Variants in PDE3B observed in about 807,000 individuals in gnomAD.
PDE3B encodes the protein cGMP-inhibited 3',5'-cyclic phosphodiesterase 3B.
In PDE3B, 66 loss-of-function variants were observed where a neutral mutation model predicts 116.8. The observed-to-expected ratio is 0.56, with a 90% CI of 0.46 to 0.69. The LOEUF (loss-of-function observed/expected upper bound fraction) is 0.69. Among genes scored for constraint, PDE3B ranks in the 30% least tolerant of loss-of-function variants. The probability of loss-of-function intolerance (pLI) is 0.00; values close to 1 mark genes in which losing one functional copy is unlikely to be tolerated. For synonymous variants in PDE3B, 595 were observed against 533.6 expected, an observed-to-expected ratio of 1.12 and a Z score of -1.59; for missense variants, 1,384 against 1,368.1, an observed-to-expected ratio of 1.01 and a Z score of -0.18.
chr11:14,744,289 T>C (rs972942589), intron 1 of PDE3B, among the ~76,000 whole-genome samples: 1 of 152,210 alleles, frequency 6.6e-6, no homozygotes, highest in Admixed American at 6.5e-5. Flanking sequence ...TAAAATTCTG[T>C]ATGAATTGTA....
intron 12 of PDE3B, among the ~76,000 whole-genome samples, chr11:14,844,592 G>T (rs150479964): frequency 0.015 from 2,321 of 152,318 alleles, 59 homozygotes; most frequent in African/African-American, 0.053. Context: ...TCAAAGAAAG[G>T]GGTGACAGAC....
chr11:14,673,910 A>T, intron 1 of PDE3B: 1 of 1,437,850 alleles, frequency 7.0e-7, no homozygotes, highest in South Asian at 1.1e-5. Flanking sequence ...CCACAACTTC[A>T]TTAACCGCAT....
rs1218259008 is a variant in PDE3B, at chr11:14,644,065, C to T, written c.-11C>T. 3 of 1,506,242 alleles carry T rather than the reference C, an allele frequency of 2.0e-6. No homozygotes were observed. The highest frequency in any genetic ancestry group is 2.6e-6 in the Non-Finnish European group (3 of 1,138,580). The allele number at this position is 1,506,242 out of a possible 1,614,324, so 93.3% of individuals were successfully genotyped here. On this transcript the variant is annotated 5_prime_UTR_variant, in exon 1 of 16. Transcript: ENST00000282096. Reference sequence around the variant, plus strand: ...GTGTGCTGAGTCCCGTGGCCACCCCCGGCCCCAGCCATGAGGAGGGACGAG... The same window carrying T: ...GTGTGCTGAGTCCCGTGGCCACCCCTGGCCCCAGCCATGAGGAGGGACGAG...
At chr11:14,883,161 T>C in the PDE3B span, among the ~76,000 whole-genome samples, 1 of 152,100 alleles carries the variant, frequency 6.6e-6, no homozygotes, top group Non-Finnish European at 1.5e-5. Context: ...AATGACTTTC[T>C]TCACAGAATT....
the PDE3B span, chr11:14,892,374 T>A: frequency 1.5e-6 from 1 of 660,734 alleles, no homozygotes; most frequent in African/African-American, 1.8e-5. Flanking sequence ...CCTTCTAGTT[T>A]TGCGCGGCTG....
At chr11:14,879,475 C>A in the PDE3B span, 7 of 1,529,486 alleles carry the variant, frequency 4.6e-6, no homozygotes, top group Non-Finnish European at 5.3e-6. Flanking sequence ...AGTTATTATG[C>A]AGTTCTTAGA....
the PDE3B span, chr11:14,890,493 C>T: frequency 4.6e-6 from 4 of 870,146 alleles, no homozygotes; most frequent in African/African-American, 1.9e-5. Flanking sequence ...ATGAAAGGAA[C>T]GTAAACCATT....
chr11:14,743,964 A>C (rs533749138), intron 1 of PDE3B, among the ~76,000 whole-genome samples: 3 of 152,312 alleles, frequency 2.0e-5, no homozygotes, highest in African/African-American at 4.8e-5. Context: ...CACCTTCTGC[A>C]TTGATCTCTC....
At chr11:14,810,813 A>C (rs891292632) in intron 5 of PDE3B, among the ~76,000 whole-genome samples, 10 of 146,964 alleles carry the variant, frequency 6.8e-5, no homozygotes, top group Admixed American at 5.5e-4. Flanking sequence ...ATTTCTCCAC[A>C]TCCTCTCCAG....
intron 4 of PDE3B, among the ~76,000 whole-genome samples, 157 bp from the exon 5 acceptor site, chr11:14,803,786 GA>G (rs1858839384): frequency 2.0e-5 from 3 of 152,336 alleles, no homozygotes; most frequent in African/African-American, 7.2e-5. Context: ...GTTCTTTACA[GA>G]AAAAGTTTGC....
intron 2 of PDE3B, among the ~76,000 whole-genome samples, chr11:14,784,451 A>G (rs1858131863): frequency 6.6e-6 from 1 of 152,226 alleles, no homozygotes; most frequent in Non-Finnish European, 1.5e-5. Context: ...TCAAAGTGGT[A>G]AAATGTTGAT....
chr11:14,783,751 C>T (rs1349336292), intron 2 of PDE3B, among the ~76,000 whole-genome samples: 1 of 150,396 alleles, frequency 6.6e-6, no homozygotes, highest in East Asian at 1.9e-4. Context: ...CCCTAGAACA[C>T]AAAATATAAT....
At chr11:14,710,699 G>A (rs923256358) in intron 1 of PDE3B, among the ~76,000 whole-genome samples, 9 of 152,162 alleles carry the variant, frequency 5.9e-5, no homozygotes, top group Non-Finnish European at 1.0e-4. Flanking sequence ...GAGGGTTGGG[G>A]AGGGCGAAAA....
At chr11:14,822,274 C>T (rs1159444372) in intron 7 of PDE3B, among the ~76,000 whole-genome samples, 1 of 152,114 alleles carries the variant, frequency 6.6e-6, no homozygotes, top group African/African-American at 2.4e-5. Context: ...ATCATATAAT[C>T]AGCACCCAGA....
chr11:14,680,435 A>G (rs1854667942), intron 1 of PDE3B, among the ~76,000 whole-genome samples: 1 of 152,182 alleles, frequency 6.6e-6, no homozygotes, highest in South Asian at 2.1e-4. Context: ...TTTACAAATT[A>G]AACTGCCATG....
intron 2 of PDE3B, chr11:14,772,968 C>T (rs1327735472): frequency 6.6e-6 from 1 of 151,904 alleles, no homozygotes; most frequent in African/African-American, 2.4e-5. Context: ...TTCTTTTTCT[C>T]ATGTTATTGT....
At chr11:14,880,087 G>GAACC in the PDE3B span, 4 of 1,598,148 alleles carry the variant, frequency 2.5e-6, no homozygotes, top group African/African-American at 5.4e-5. Context: ...AAACATGTAT[G>GAACC]AACCCTACAT....
intron 1 of PDE3B, among the ~76,000 whole-genome samples, chr11:14,663,688 G>A (rs947130465): frequency 2.8e-4 from 42 of 152,052 alleles, no homozygotes; most frequent in African/African-American, 1.0e-3. Flanking sequence ...ATTACATAAG[G>A]GTAAAGGGAT....
At chr11:14,744,499 G>A (rs1207316111) in intron 1 of PDE3B, among the ~76,000 whole-genome samples, 1 of 152,008 alleles carries the variant, frequency 6.6e-6, no homozygotes, top group Non-Finnish European at 1.5e-5. Flanking sequence ...TCAAAGTTTT[G>A]TACTGCCTTG....
Sources: allele counts gnomAD v4.1 joint callset (sites outside exome capture counted in the v4.1 genomes callset), GRCh38; gene constraint gnomAD v4.1.1; transcripts MANE v1.5; gene names NCBI Gene and HGNC (gene_info 2026-07-23, HGNC 2026-07-21).